FLYWCH1: variants seen among roughly 807,000 people sequenced by gnomAD.
The protein encoded by FLYWCH1 is FLYWCH-type zinc finger 1, also known as FLYWCH-type zinc finger-containing protein 1.
Under a neutral mutation model 66.4 loss-of-function variants are expected in FLYWCH1, and 75 were observed. The ratio of observed to expected loss-of-function variants is 1.13; its 90% CI spans 0.94 to 1.37. FLYWCH1 has a LOEUF of 1.37. Ranked by LOEUF, FLYWCH1 falls within the 40% of genes most tolerant of loss-of-function variation. The probability of loss-of-function intolerance (pLI) is 0.00; values close to 1 mark genes in which losing one functional copy is unlikely to be tolerated. For synonymous variants in FLYWCH1, 595 were observed against 429.9 expected (o/e 1.38, Z -4.75); for missense variants, 1,334 against 1,001.8 (o/e 1.33, Z -4.48).
At chr16:2,936,323 G>A (rs756510581) in intron 6 of FLYWCH1, 10 of 447,872 alleles carry the variant, frequency 2.2e-5, no homozygotes, top group African/African-American at 6.0e-5. Context: ...TCTGTCTCGT[G>A]GTCCCCAGGC....
At position 2,930,804 on chromosome 16, in the gene FLYWCH1, C is replaced by G; in HGVS notation, c.720C>G (p.Ala240=). 1 of 1,601,554 alleles carries G rather than the reference C, an allele frequency of 6.2e-7. No individual in the cohort carries two copies. Among genetic ancestry groups the G allele is most frequent in the Non-Finnish European group, 8.5e-7 (1 of 1,177,512 alleles). ...CTGGGCTGGTGCTGAGCAAGCCGGC[C>G]CTGGAGGAGGAGGAGGCACCCCGAG... ...PTPGLVLSKP[A]LEEEEAPRAL... Residue 240 remains alanine (A), a synonymous_variant, in exon 4 of 10, where the codon GCC becomes GCG. Transcript: ENST00000253928.
At chr16:2,913,370 T>C (rs1265677235) in intron 1 of FLYWCH1, 4 of 152,166 alleles carry the variant, frequency 2.6e-5, no homozygotes, top group African/African-American at 4.8e-5. Flanking sequence ...AATAAACTTA[T>C]ATTATGATGG....
At chr16:2,936,729 C>T (rs1325117661) in intron 6 of FLYWCH1, 3 of 476,780 alleles carry the variant, frequency 6.3e-6, no homozygotes, top group East Asian at 1.3e-4. Context: ...CTCTCAGCCC[C>T]ATCCGGCTCC....
intron 2 of FLYWCH1, among the ~76,000 whole-genome samples, 198 bp from the exon 3 acceptor site, chr16:2,929,415 G>C (rs2070681150): frequency 6.6e-6 from 1 of 152,082 alleles, no homozygotes; most frequent in African/African-American, 2.4e-5. Context: ...GGGGAAAGTG[G>C]GGTTGGATGG....
At chr16:2,938,828 G>A (rs2071138567) in intron 8 of FLYWCH1, among the ~76,000 whole-genome samples, 2 of 151,444 alleles carry the variant, frequency 1.3e-5, no homozygotes, top group African/African-American at 4.9e-5. Flanking sequence ...TAGCCAGGAT[G>A]GTCTTGATCT....
At chr16:2,929,472 G>T (rs1264811187) in intron 2 of FLYWCH1, 141 bp from the exon 3 acceptor site, 3 of 625,654 alleles carry the variant, frequency 4.8e-6, no homozygotes, top group Non-Finnish European at 8.2e-6. Flanking sequence ...CAGAGCAGAA[G>T]CCTAGTTCCA....
At chr16:2,948,214 C>G (rs965228388) in intron 9 of FLYWCH1, among the ~76,000 whole-genome samples, 1 of 151,928 alleles carries the variant, frequency 6.6e-6, no homozygotes, top group African/African-American at 2.4e-5. Context: ...GTGTGTGTCA[C>G]GAAGCAACCT....
At chr16:2,916,525 T>A (rs1417548286) in intron 2 of FLYWCH1, among the ~76,000 whole-genome samples, 1 of 151,150 alleles carries the variant, frequency 6.6e-6, no homozygotes, top group Non-Finnish European at 1.5e-5. Flanking sequence ...TAGTCTCAGC[T>A]ACTCTGGAGG....
intron 2 of FLYWCH1, among the ~76,000 whole-genome samples, chr16:2,928,294 C>T (rs946873449): frequency 6.6e-6 from 1 of 152,210 alleles, no homozygotes; most frequent in African/African-American, 2.4e-5. Context: ...TCCTCCTCCT[C>T]AGCACAGACC....
At chr16:2,937,078 G>C (rs1371053267) in intron 6 of FLYWCH1, 43 bp from the exon 7 acceptor site, 21 of 1,550,456 alleles carry the variant, frequency 1.4e-5, no homozygotes, top group Non-Finnish European at 1.8e-5. Flanking sequence ...TCTGGGCTCT[G>C]AGAGCTGGTG....
rs1446694087 is a variant in FLYWCH1 at position 2,930,429 on chromosome 16, G to C, written c.345G>C (p.Glu115Asp). The change falls in exon 4 of 10, where the codon GAG becomes GAC. Residue 115 changes from glutamate to aspartate, a missense_variant. Glu to Asp is a conservative substitution (Grantham distance 45). Transcript: ENST00000253928. Reference sequence around the variant, plus strand: ...CCCCAGCAGCCCCTCAGTCCCTGGAGTTCCTGAGGACACCATTCGGGGGCC... The same window carrying C: ...CCCCAGCAGCCCCTCAGTCCCTGGACTTCCTGAGGACACCATTCGGGGGCC... ...KLDAAAPQSL[E>D]FLRTPFGGRL... 6.8e-7 allele frequency: 1 copy of C among 1,475,104 alleles called. No homozygotes were observed. The highest frequency in any genetic ancestry group is 9.0e-7 in the Non-Finnish European group (1 of 1,113,836). The allele number at this position is 1,475,104 out of a possible 1,614,324, so 91.4% of individuals were successfully genotyped here. A position where few individuals can be genotyped will look rare whatever the true frequency, so the allele number is the denominator to read the frequency against.
At chr16:2,942,382 A>G (rs1385518688) in intron 9 of FLYWCH1, among the ~76,000 whole-genome samples, 1 of 152,142 alleles carries the variant, frequency 6.6e-6, no homozygotes, top group East Asian at 1.9e-4. Flanking sequence ...TCCTGGGCTC[A>G]ATCAGTCCAC....
intron 2 of FLYWCH1, among the ~76,000 whole-genome samples, chr16:2,925,558 G>A (rs917684548): frequency 6.8e-6 from 1 of 146,094 alleles, no homozygotes; most frequent in African/African-American, 2.6e-5. Context: ...CAGCGCGCGC[G>A]GGGTAGGGGG....
At chr16:2,937,498 C>A in intron 7 of FLYWCH1, 114 bp downstream of exon 7, 2 of 1,269,800 alleles carry the variant, frequency 1.6e-6, no homozygotes, top group Non-Finnish European at 2.1e-6. Flanking sequence ...GGTCTGACAG[C>A]CGGGGCCATA....
chr16:2,937,689 G>A (rs1481439908), intron 7 of FLYWCH1, among the ~76,000 whole-genome samples: 1 of 152,114 alleles, frequency 6.6e-6, no homozygotes, highest in Non-Finnish European at 1.5e-5. Context: ...CGGGCCGTAC[G>A]GTGGATCCTG....
intron 9 of FLYWCH1, among the ~76,000 whole-genome samples, chr16:2,942,378 G>A (rs980915349): frequency 1.3e-5 from 2 of 151,902 alleles, no homozygotes; most frequent in Admixed American, 1.3e-4. Context: ...CAACTCCTGG[G>A]CTCAATCAGT....
intron 1 of FLYWCH1, chr16:2,913,055 T>C (rs145803680): frequency 2.6e-5 from 4 of 152,306 alleles, no homozygotes; most frequent in African/African-American, 4.8e-5. Flanking sequence ...TGGGGCTAGA[T>C]TGCGGAGTGT....
intron 2 of FLYWCH1, among the ~76,000 whole-genome samples, chr16:2,926,986 A>G (rs2070589836): frequency 6.6e-6 from 1 of 152,210 alleles, no homozygotes; most frequent in African/African-American, 2.4e-5. Flanking sequence ...CAGATACAGT[A>G]TCCACAATAT....
chr16:2,914,450 G>A (rs575865696), intron 2 of FLYWCH1, among the ~76,000 whole-genome samples, 161 bp downstream of exon 2: 115 of 152,332 alleles, frequency 7.5e-4, no homozygotes, highest in African/African-American at 2.6e-3. Context: ...GGACCGCAGC[G>A]TCCCAGTAGG....
Sources: gnomAD v4.1 joint callset for allele counts (sites outside exome capture counted in the v4.1 genomes callset) on GRCh38, gnomAD v4.1.1 for gene constraint, MANE v1.5 for transcripts, NCBI Gene and HGNC (gene_info 2026-07-23, HGNC 2026-07-21) for gene names.